Variants in CACNG5 observed in about 807,000 individuals in gnomAD.
CACNG5 encodes the protein voltage-dependent calcium channel gamma-5 subunit.
In CACNG5, 18 loss-of-function variants were observed where a neutral mutation model predicts 24.8. That is an observed-to-expected ratio of 0.73 (90% CI 0.50 to 1.08). The LOEUF is 1.08. Ranked by LOEUF, CACNG5 falls within the 50% of genes least tolerant of loss-of-function variation. CACNG5 has a pLI of 0.00. For synonymous variants in CACNG5, 157 were observed against 149.1 expected, an observed-to-expected ratio of 1.05 and a Z score of -0.39; for missense variants, 349 against 367.9, an observed-to-expected ratio of 0.95 and a Z score of 0.42.
At chr17:66,867,231 T>G (rs1386106799) in intron 1 of CACNG5, among the ~76,000 whole-genome samples, 2 of 152,022 alleles carry the variant, frequency 1.3e-5, no homozygotes, top group Non-Finnish European at 2.9e-5. Flanking sequence ...TGATGTTGAG[T>G]TTTTTTTCAT....
At chr17:66,881,944 C>T (rs1018218392) in intron 4 of CACNG5, among the ~76,000 whole-genome samples, 2 of 151,982 alleles carry the variant, frequency 1.3e-5, no homozygotes, top group South Asian at 2.1e-4. Context: ...CATCTGAGGT[C>T]GTCTTATGGA....
intron 1 of CACNG5, among the ~76,000 whole-genome samples, chr17:66,875,248 C>T (rs551492394): frequency 5.1e-4 from 77 of 152,270 alleles, no homozygotes; most frequent in African/African-American, 1.7e-3. Flanking sequence ...TGTCCTGCTC[C>T]CCTCTGCCCA....
chr17:66,882,438 T>C (rs991868441), intron 4 of CACNG5, among the ~76,000 whole-genome samples: 1 of 151,706 alleles, frequency 6.6e-6, no homozygotes, highest in Non-Finnish European at 1.5e-5. Context: ...AAGATAGAGA[T>C]TGGAGAGCTA....
intron 1 of CACNG5, among the ~76,000 whole-genome samples, chr17:66,846,557 G>A (rs532811389): frequency 4.6e-5 from 7 of 152,266 alleles, no homozygotes; most frequent in Admixed American, 2.0e-4. Context: ...TGCAGCATGC[G>A]TCCGTGCTTC....
At chr17:66,838,307 G>A (rs1019105985) in intron 1 of CACNG5, among the ~76,000 whole-genome samples, 5 of 151,684 alleles carry the variant, frequency 3.3e-5, no homozygotes, top group African/African-American at 1.2e-4. Context: ...AGAGTGGCCT[G>A]GGGGGAGCAG....
At chr17:66,853,341 A>G (rs1249248065) in intron 1 of CACNG5, among the ~76,000 whole-genome samples, 2 of 152,092 alleles carry the variant, frequency 1.3e-5, no homozygotes, top group African/African-American at 2.4e-5. Context: ...ACAAGTTTTC[A>G]TTTTTCTAGG....
chr17:66,864,323 C>G lies in CACNG5; in HGVS notation c.-103-12907C>G, dbSNP rs1359212780. ...TGTCCTCTTTGGCAAGCTCTCAACTCCAATGTTGAGTCCATAGCATCATAA... is the reference window on the plus strand; with the variant it reads ...TGTCCTCTTTGGCAAGCTCTCAACTGCAATGTTGAGTCCATAGCATCATAA... On this transcript the variant is annotated intron_variant, in intron 1 of 5. Transcript: ENST00000533854. Among the ~76,000 whole-genome samples the G allele has an allele frequency of 3.3e-5, 5 of 152,318 alleles. 1 individual carries two copies. The Middle Eastern group carries it at 0.014, about 414-fold the overall frequency.
intron 3 of CACNG5, 89 bp downstream of exon 3, chr17:66,879,147 C>T (rs773683346): frequency 1.3e-5 from 12 of 954,904 alleles, no homozygotes; most frequent in Non-Finnish European, 1.7e-5. Context: ...GCATATTTCT[C>T]AAGAGGAATG....
At chr17:66,840,874 C>T (rs1046488229) in intron 1 of CACNG5, among the ~76,000 whole-genome samples, 1 of 152,080 alleles carries the variant, frequency 6.6e-6, no homozygotes, top group Non-Finnish European at 1.5e-5. Flanking sequence ...GTGTGTTTGC[C>T]CTGTTTGATC....
At chr17:66,869,203 C>T (rs1351933571) in intron 1 of CACNG5, among the ~76,000 whole-genome samples, 1 of 152,142 alleles carries the variant, frequency 6.6e-6, no homozygotes, top group Non-Finnish European at 1.5e-5. Context: ...TGTGCCTCAG[C>T]CTCCCGAGTA....
At chr17:66,855,123 T>TAAACACCCCCC (rs1976756195) in intron 1 of CACNG5, among the ~76,000 whole-genome samples, 3 of 152,320 alleles carry the variant, frequency 2.0e-5, no homozygotes, top group African/African-American at 7.2e-5. Context: ...TTTCACCCCT[T>TAAACACCCCCC]AAACACCCCC....
rs146205618 is a variant in CACNG5, at chr17:66,845,142, G to A, written c.-104+9892G>A. Among the ~76,000 whole-genome samples, 516 of 152,266 alleles carry A rather than the reference G, an allele frequency of 3.4e-3. 1 individual carries two copies. Among genetic ancestry groups the A allele is most frequent in the African/African-American group, 0.011 (455 of 41,544 alleles). On this transcript the variant is annotated intron_variant, in intron 1 of 5. Coordinates refer to ENST00000533854, the MANE Select transcript of CACNG5 (RefSeq NM_145811.3). ...AAAGAATGAGTTCATGTCCTTTGCGGGGACATGGATGAAGCTGGAAAACAT... is the reference window on the plus strand; with the variant it reads ...AAAGAATGAGTTCATGTCCTTTGCGAGGACATGGATGAAGCTGGAAAACAT...
chr17:66,858,073 C>T (rs894431261), intron 1 of CACNG5, among the ~76,000 whole-genome samples: 2 of 152,168 alleles, frequency 1.3e-5, no homozygotes, highest in Non-Finnish European at 2.9e-5. Flanking sequence ...CCTTACCTGA[C>T]TTCTTGGAAA....
At chr17:66,873,014 T>G (rs909264560) in intron 1 of CACNG5, among the ~76,000 whole-genome samples, 1 of 152,206 alleles carries the variant, frequency 6.6e-6, no homozygotes, top group African/African-American at 2.4e-5. Flanking sequence ...AAGCATAGAC[T>G]TTGGAGTTAG....
chr17:66,835,482 C>T (rs1976471555), intron 1 of CACNG5, among the ~76,000 whole-genome samples: 1 of 152,180 alleles, frequency 6.6e-6, no homozygotes, highest in African/African-American at 2.4e-5. Flanking sequence ...ATCTGTCTGT[C>T]CCAAGGATGT....
chr17:66,883,113 C>A (rs1219785313), intron 4 of CACNG5, among the ~76,000 whole-genome samples: 3 of 152,310 alleles, frequency 2.0e-5, no homozygotes, highest in African/African-American at 7.2e-5. Flanking sequence ...ATCAACCCAA[C>A]ACATATTTAT....
intron 1 of CACNG5, among the ~76,000 whole-genome samples, chr17:66,875,606 T>G (rs1022374087): frequency 1.3e-5 from 2 of 152,174 alleles, no homozygotes; most frequent in Non-Finnish European, 2.9e-5. Flanking sequence ...CTTCTGTCCA[T>G]TTTCAGCTGC....
intron 1 of CACNG5, among the ~76,000 whole-genome samples, chr17:66,845,339 T>C (rs1301014638): frequency 6.6e-6 from 1 of 151,878 alleles, no homozygotes; most frequent in Non-Finnish European, 1.5e-5. Flanking sequence ...AACTACCTAA[T>C]GCATATGGGG....
rs1046820215 is a variant in CACNG5, at chr17:66,890,781, A to G, written c.*5541A>G. ...GGAGTGTAGATAAAATCACCTCATC[A>G]GGCTCTATCCCCAGACTCTATACCC... On this transcript the variant is annotated 3_prime_UTR_variant, in exon 6 of 6. Coordinates refer to ENST00000533854, the MANE Select transcript of CACNG5 (RefSeq NM_145811.3). 1.3e-5 allele frequency among the ~76,000 whole-genome samples: 2 copies of G among 151,922 alleles called. No homozygotes were observed. The highest frequency in any genetic ancestry group is 4.8e-5 in the African/African-American group (2 of 41,348).
Sources: allele counts gnomAD v4.1 joint callset (sites outside exome capture counted in the v4.1 genomes callset), GRCh38; gene constraint gnomAD v4.1.1; transcripts MANE v1.5; gene names NCBI Gene and HGNC (gene_info 2026-07-23, HGNC 2026-07-21).